NPAS1: variants seen among roughly 807,000 people sequenced by gnomAD.
The protein encoded by NPAS1 is neuronal PAS domain protein 1.
A neutral mutation model predicts 49.2 loss-of-function variants in NPAS1; 29 were observed. That is an observed-to-expected ratio of 0.59 (90% CI 0.44 to 0.80). The LOEUF (loss-of-function observed/expected upper bound fraction) is 0.80, where lower values mean the gene tolerates loss of function less well. NPAS1 is among the 30% of genes least tolerant of loss of function. The pLI is 0.00. For missense variants in NPAS1, 825 were observed against 835.5 expected (o/e 0.99, Z 0.15); for synonymous variants, 408 against 380.4 (o/e 1.07, Z -0.84).
intron 3 of NPAS1, among the ~76,000 whole-genome samples, chr19:47,031,723 G>T (rs2056907210): frequency 6.6e-6 from 1 of 150,628 alleles, no homozygotes; most frequent in African/African-American, 2.4e-5. Context: ...TAGAGATGGG[G>T]ATCCAACATA....
intron 9 of NPAS1, 108 bp from the exon 10 acceptor site, chr19:47,040,870 C>A: frequency 2.2e-6 from 2 of 922,932 alleles, no homozygotes; most frequent in Non-Finnish European, 3.2e-6. Context: ...CGTCTCCCTG[C>A]CCACTCCCCT....
At chr19:47,022,223 C>G (rs1454313204) in intron 3 of NPAS1, among the ~76,000 whole-genome samples, 1 of 152,146 alleles carries the variant, frequency 6.6e-6, no homozygotes, top group Non-Finnish European at 1.5e-5. Context: ...CGCTAATGGG[C>G]GAGATACCCT....
At position 47,041,059 on chromosome 19, in the gene NPAS1, C is replaced by A; in HGVS notation, c.1151C>A (p.Ala384Asp). Reference protein sequence around the residue: ...AGGFVWLQSVATVAGSGKSPG... With the variant: ...AGGFVWLQSVDTVAGSGKSPG... ...GGCTTCGTGTGGCTGCAGTCTGTGG[C>A]CACAGTGGCTGGGAGCGGGAAGAGC... Residue 384 changes from alanine to aspartate, a missense_variant, in exon 10 of 12, where the codon GCC becomes GAC. Coordinates refer to ENST00000602212, the MANE Select transcript of NPAS1 (RefSeq NM_002517.4). 1 of 1,593,824 alleles carries A rather than the reference C, an allele frequency of 6.3e-7. No homozygotes were observed. The highest frequency in any genetic ancestry group is 8.5e-7 in the Non-Finnish European group (1 of 1,172,554).
Position 47,020,999 on chromosome 19 carries a change from G to T in NPAS1, c.-42-7G>T. 1 of 1,487,638 alleles carries T rather than the reference G, an allele frequency of 6.7e-7. No individual in the cohort carries two copies. The highest frequency in any genetic ancestry group is 9.0e-7 in the Non-Finnish European group (1 of 1,112,858). 92.2% of individuals were successfully genotyped at this position (1,487,638 alleles called of 1,614,324 possible). On this transcript the variant is annotated splice_region_variant and splice_polypyrimidine_tract_variant and intron_variant, in intron 1 of 11. Coordinates refer to ENST00000602212, the MANE Select transcript of NPAS1 (RefSeq NM_002517.4). ...TAAGCGTTGCCCCTGGCCCCCTCCC[G>T]CTGCAGGAGACTCGGGGCTCGGAGC...
rs1172200350 is a variant in NPAS1 at position 47,045,616 on chromosome 19, C to T, written c.1738C>T (p.Pro580Ser). The T allele has an allele frequency of 3.5e-6, 5 of 1,441,672 alleles. No individual in the cohort carries two copies. The highest frequency in any genetic ancestry group is 4.5e-6 in the Non-Finnish European group (5 of 1,108,796). 89.3% of individuals were successfully genotyped at this position (1,441,672 alleles called of 1,614,324 possible). The part of the protein sequence containing the change: ...YPPLGLPYPG[P>S]AGTRLPRKGD ...GCCCCTGGGCCTGCCCTACCCGGGG[C>T]CCGCGGGCACCAGGCTGCCGCGGAA... The change falls in exon 12 of 12, where the codon CCC becomes TCC. Residue 580 changes from proline to serine, a missense_variant. Physicochemically the swap from Pro to Ser is moderately conservative, Grantham distance 74. Transcript: ENST00000602212.
At chr19:47,027,867 G>A (rs2056884196) in intron 3 of NPAS1, among the ~76,000 whole-genome samples, 1 of 152,168 alleles carries the variant, frequency 6.6e-6, no homozygotes, top group African/African-American at 2.4e-5. Context: ...TGTGGAAGTG[G>A]TGAAAAGTCT....
chr19:47,023,276 A>AG (rs1254150605), intron 3 of NPAS1, among the ~76,000 whole-genome samples: 10 of 151,548 alleles, frequency 6.6e-5, no homozygotes, highest in South Asian at 2.1e-4. Flanking sequence ...AGGGGGGGAA[A>AG]GGGGGGGCTA....
intron 3 of NPAS1, among the ~76,000 whole-genome samples, chr19:47,031,026 C>T (rs2056901918): frequency 6.6e-6 from 1 of 152,026 alleles, no homozygotes; most frequent in Non-Finnish European, 1.5e-5. Context: ...CTGTCTCTGT[C>T]TTTCAGTCTC....
Position 47,021,024 on chromosome 19 carries a change from C to A in NPAS1, c.-24C>A, listed in dbSNP as rs200734482. 4.2e-4 allele frequency: 670 copies of A among 1,584,418 alleles called. 4 individuals are homozygous for A. The East Asian group carries it at 0.011, about 25-fold the overall frequency. ...GCTGCAGGAGACTCGGGGCTCGGAG[C>A]CCGCCTGAGCGAGCCCCCCGGAGAT... On this transcript the variant is annotated 5_prime_UTR_variant, in exon 2 of 12. Transcript: ENST00000602212. The surrounding 1 kb of genome is among the most constrained non-coding windows in gnomAD (Gnocchi z 5.7).
rs1437196511 is a variant in NPAS1 at position 47,036,038 on chromosome 19, G to A, written c.597G>A (p.Gly199=). The stretch of plus-strand genomic sequence containing the variant: ...ACTCAGAGGTGCTGGAGCAACTGGG[G>A]CTGCGGACGCCGACGCCCGGCCCCC... ...GDHSEVLEQL[G]LRTPTPGPPT... is the part of the protein sequence containing the mutation. Residue 199 remains glycine (G), a synonymous_variant, in exon 6 of 12, where the codon GGG becomes GGA. Coordinates refer to ENST00000602212, the MANE Select transcript of NPAS1 (RefSeq NM_002517.4). The A allele has an allele frequency of 1.2e-6, 2 of 1,605,356 alleles. No homozygotes were observed. The highest frequency in any genetic ancestry group is 2.2e-5 in the East Asian group (1 of 44,638).
intron 10 of NPAS1, among the ~76,000 whole-genome samples, chr19:47,041,979 CAAAAAAAAAAAAAAA>C (rs369320245): frequency 1.1e-4 from 11 of 96,120 alleles, no homozygotes; most frequent in Non-Finnish European, 1.7e-4. Context: ...GACCCTGTCT[CAAAAAAAAAAAAAAA>C]AAAAAAAAAA....
intron 3 of NPAS1, among the ~76,000 whole-genome samples, chr19:47,027,564 C>G (rs372004898): frequency 4.9e-5 from 2 of 41,142 alleles, no homozygotes; most frequent in Non-Finnish European, 1.1e-4. Context: ...GTCTGTCTGC[C>G]CCTGGTCTCC....
chr19:47,032,403 G>A (rs372129924), intron 4 of NPAS1, 52 bp downstream of exon 4: 39 of 1,584,026 alleles, frequency 2.5e-5, no homozygotes, highest in East Asian at 6.7e-5. Context: ...CCTAGCGGCC[G>A]CCTCTGGAGA....
intron 4 of NPAS1, 124 bp downstream of exon 4, chr19:47,032,475 C>A: frequency 2.6e-6 from 3 of 1,161,674 alleles, no homozygotes; most frequent in South Asian, 2.7e-5. Context: ...GGCGAATGCT[C>A]AAGATCCCTC....
At chr19:47,025,459 G>A (rs554922760) in intron 3 of NPAS1, among the ~76,000 whole-genome samples, 3 of 147,900 alleles carry the variant, frequency 2.0e-5, no homozygotes, top group Non-Finnish European at 4.5e-5. Flanking sequence ...TGTATTTTTA[G>A]TAGAGATGGG....
Position 47,042,900 on chromosome 19 carries a change from C to G in NPAS1, c.1308C>G (p.Pro436=). ...CEEASSPGPE[P]TEPEPPTEGK... ...AGGCATCCAGCCCGGGGCCAGAGCCCACAGGTGAGCCCCACCTCCCACCTT... is the reference window on the plus strand; with the variant it reads ...AGGCATCCAGCCCGGGGCCAGAGCCGACAGGTGAGCCCCACCTCCCACCTT... The change falls in exon 11 of 12, where the codon CCC becomes CCG. Residue 436 remains proline (P), a synonymous_variant. Transcript: ENST00000602212. 6.3e-7 allele frequency: 1 copy of G among 1,593,266 alleles called. No homozygotes were observed.
chr19:47,034,309 C>T (rs1400601278), intron 5 of NPAS1, among the ~76,000 whole-genome samples: 1 of 107,120 alleles, frequency 9.3e-6, no homozygotes, highest in East Asian at 2.7e-4. Flanking sequence ...AGCAAAACTC[C>T]GTCTCAAAAA....
At position 47,039,575 on chromosome 19, in the gene NPAS1, TGGG is replaced by T. The variant is rs777950680; in HGVS notation, c.962+14_962+16del. ...TGCTTGTGAGAGCAGGTACCGGGGT[TGGG>T]GGCTGTGGCGGGTGGATTGGGGGCA... On this transcript the variant is annotated intron_variant, in intron 8 of 11. Coordinates refer to ENST00000602212, the MANE Select transcript of NPAS1 (RefSeq NM_002517.4). The T allele has an allele frequency of 6.5e-7, 1 of 1,544,988 alleles. No homozygotes were observed. The highest frequency in any genetic ancestry group is 1.4e-5 in the African/African-American group (1 of 72,916).
At chr19:47,036,314 A>G (rs2303104) in intron 6 of NPAS1, among the ~76,000 whole-genome samples, 185 bp downstream of exon 6, 39,623 of 152,124 alleles carry the variant, frequency 0.26, 5,433 homozygotes, top group South Asian at 0.45. Flanking sequence ...AGCTTGCCAA[A>G]CTCCCAAAGA....
Sources: gnomAD v4.1 joint callset for allele counts (sites outside exome capture counted in the v4.1 genomes callset) on GRCh38, gnomAD v4.1.1 for gene constraint, Gnocchi (gnomAD v3.1) non-coding constraint, MANE v1.5 for transcripts, NCBI Gene and HGNC (gene_info 2026-07-23, HGNC 2026-07-21) for gene names.